The following MON2 variants were observed in gnomAD, a reference collection of about 807,000 sequenced individuals.
MON2 encodes protein MON2 homolog.
In MON2, 84 loss-of-function variants were observed where a neutral mutation model predicts 208.6. The ratio of observed to expected loss-of-function variants is 0.40; its 90% confidence interval spans 0.34 to 0.48. MON2 has a LOEUF of 0.48. MON2 is among the 20% of genes least tolerant of loss of function. The pLI, the probability that MON2 is intolerant of heterozygous loss-of-function variation, is 0.59. For missense variants in MON2, 1,611 were observed against 2,015.4 expected (o/e 0.80, Z 3.84); for synonymous variants, 660 against 694.0 (o/e 0.95, Z 0.77).
intron 11 of MON2, among the ~76,000 whole-genome samples, chr12:62,530,837 A>C (rs1424636276): frequency 6.6e-6 from 1 of 152,158 alleles, no homozygotes; most frequent in Non-Finnish European, 1.5e-5. Context: ...CAACTATATC[A>C]TTTTACATTC....
At position 62,585,355 on chromosome 12, in the gene MON2, C is replaced by T. The variant is rs753604339; in HGVS notation, c.4761C>T (p.Leu1587=). The T allele has an allele frequency of 2.8e-5, 45 of 1,613,630 alleles. No homozygotes were observed. The highest frequency in any genetic ancestry group is 1.6e-4 in the Middle Eastern group (1 of 6,076). The part of the protein sequence containing the change: ...EFSKMCFETL[L]QFSFSNKVTT... ...CTAAAATGTGTTTTGAAACATTACT[C>T]CAGTTTTCCTTCAGTAATAAAGTCA... The change falls in exon 33 of 35, where the codon CTC becomes CTT. Residue 1587 remains leucine, a synonymous_variant. Coordinates refer to ENST00000393630, the MANE Select transcript of MON2 (RefSeq NM_015026.3).
At chr12:62,503,810 T>G (rs2070961809) in intron 7 of MON2, among the ~76,000 whole-genome samples, 1 of 152,190 alleles carries the variant, frequency 6.6e-6, no homozygotes, top group Admixed American at 6.5e-5. Flanking sequence ...GCTTGCTGTC[T>G]TACTTTTTTG....
chr12:62,579,666 C>T (rs1198219421), intron 31 of MON2, among the ~76,000 whole-genome samples: 1 of 152,060 alleles, frequency 6.6e-6, no homozygotes, highest in Non-Finnish European at 1.5e-5. Context: ...GCGGAGCTTG[C>T]AGTGAGCCGA....
intron 1 of MON2, among the ~76,000 whole-genome samples, chr12:62,476,697 A>G (rs2069103352): frequency 6.6e-6 from 1 of 152,058 alleles, no homozygotes; most frequent in Non-Finnish European, 1.5e-5. Flanking sequence ...TCAGCCTCCC[A>G]AAGTAGTGGG....
Position 62,467,272 on chromosome 12 carries a change from G to T in MON2, c.65G>T (p.Arg22Leu). ...CTGGAGAATATGCAGAGCGACTTGCGCGCCTTGTCACTGGAGTGCAAGAAG... is the reference window on the plus strand; with the variant it reads ...CTGGAGAATATGCAGAGCGACTTGCTCGCCTTGTCACTGGAGTGCAAGAAG... ...KLLENMQSDL[R>L]ALSLECKKKF... Residue 22 changes from arginine (R) to leucine (L), a missense_variant, in exon 1 of 35, where the codon CGC becomes CTC. Transcript: ENST00000393630. 1 of 1,614,088 alleles carries T rather than the reference G, an allele frequency of 6.2e-7. No individual in the cohort carries two copies. The highest frequency in any genetic ancestry group is 8.5e-7 in the Non-Finnish European group (1 of 1,180,032).
At chr12:62,491,875 G>T (rs2070160727) in intron 2 of MON2, among the ~76,000 whole-genome samples, 2 of 152,184 alleles carry the variant, frequency 1.3e-5, no homozygotes, top group Non-Finnish European at 2.9e-5. Flanking sequence ...CACTTCAGTG[G>T]TTCTGGCAGG....
At chr12:62,557,962 A>ATTTTTTTTT (rs869193690) in intron 25 of MON2, among the ~76,000 whole-genome samples, 3 of 20,870 alleles carry the variant, frequency 1.4e-4, no homozygotes, top group African/African-American at 3.2e-4. Flanking sequence ...ATATATATAT[A>ATTTTTTTTT]TTTTTTTTTT....
intron 16 of MON2, 115 bp from the exon 17 acceptor site, chr12:62,537,981 C>A: frequency 1.1e-6 from 1 of 883,672 alleles, no homozygotes; most frequent in Non-Finnish European, 1.7e-6. Context: ...GTTTTAAAAA[C>A]CTACTACTGA....
rs759034877 is a variant in MON2 at position 62,592,596 on chromosome 12, T to C, written c.5001T>C (p.Asn1667=). The change falls in exon 35 of 35, where the codon AAT becomes AAC. Residue 1667 remains asparagine, a synonymous_variant. Coordinates refer to ENST00000393630, the MANE Select transcript of MON2 (RefSeq NM_015026.3). The stretch of plus-strand genomic sequence containing the variant: ...ACTTTTGCATTACAGTTGATGGAAA[T>C]ACCTGGGCACAAGTAATTGCCTTAT... ...KKTQPENVDG[N]TWAQVIALYP... The C allele has an allele frequency of 3.1e-6, 5 of 1,594,398 alleles. No individual in the cohort carries two copies.
Position 62,580,344 on chromosome 12 carries a change from T to G in MON2, c.4623T>G (p.Ile1541Met). ...SNEILPYANFIPKEFVGQIMT... is the reference protein window; with the variant it reads ...SNEILPYANFMPKEFVGQIMT... Reference sequence around the variant, plus strand: ...AGATACTACCTTATGCCAATTTTATTCCTAAGGAATTTGTTGGTCAAATAA... The same window carrying G: ...AGATACTACCTTATGCCAATTTTATGCCTAAGGAATTTGTTGGTCAAATAA... Residue 1541 changes from isoleucine to methionine, a missense_variant, in exon 32 of 35, where the codon ATT becomes ATG. Transcript: ENST00000393630. The G allele has an allele frequency of 6.2e-7, 1 of 1,609,028 alleles. No individual in the cohort carries two copies. Among genetic ancestry groups the G allele is most frequent in the Non-Finnish European group, 8.5e-7 (1 of 1,175,844 alleles).
intron 19 of MON2, among the ~76,000 whole-genome samples, chr12:62,542,357 A>T (rs1278216416): frequency 2.0e-5 from 3 of 152,198 alleles, no homozygotes; most frequent in African/African-American, 7.2e-5. Context: ...TGGCTTTTTT[A>T]TTCAGTTGTC....
At chr12:62,573,512 G>A (rs1427446104) in intron 30 of MON2, among the ~76,000 whole-genome samples, 2 of 150,798 alleles carry the variant, frequency 1.3e-5, no homozygotes, top group African/African-American at 4.9e-5. Context: ...GGATTGCCGA[G>A]GCCCAGGAGT....
intron 1 of MON2, among the ~76,000 whole-genome samples, chr12:62,472,704 C>T (rs2068854773): frequency 6.6e-6 from 1 of 152,284 alleles, no homozygotes; most frequent in South Asian, 2.1e-4. Context: ...CATTGGCTCT[C>T]CTGGTTGGGT....
intron 34 of MON2, among the ~76,000 whole-genome samples, chr12:62,591,071 C>A (rs1322348256): frequency 6.6e-6 from 1 of 152,182 alleles, no homozygotes; most frequent in Non-Finnish European, 1.5e-5. Context: ...AATTGACTCT[C>A]CATCTGGGAC....
At position 62,596,704 on chromosome 12, in the gene MON2, G is replaced by A. The variant is rs1252323268; in HGVS notation, c.*3955G>A. On this transcript the variant is annotated 3_prime_UTR_variant, in exon 35 of 35. Transcript: ENST00000393630. ...TACCAATTTATATAAAGTGGGAAAA[G>A]TCTTTAATACTTCATGATCACTTGA... 1 of 152,186 alleles carries A rather than the reference G, an allele frequency of 6.6e-6. No individual in the cohort carries two copies. Among genetic ancestry groups the A allele is most frequent in the Non-Finnish European group, 1.5e-5 (1 of 68,024 alleles). The allele number at this position is 152,186 out of a possible 1,614,324, so 9.4% of individuals were successfully genotyped here. A position where few individuals can be genotyped will look rare whatever the true frequency, so the allele number is the denominator to read the frequency against.
chr12:62,469,923 T>TTTATTTATTTA (rs766894539), intron 1 of MON2, among the ~76,000 whole-genome samples: 11,512 of 48,746 alleles, frequency 0.24, 655 homozygotes, highest in Middle Eastern at 0.29. Context: ...TATTTATTTA[T>TTTATTTATTTA]TTGAGACAGG....
At chr12:62,547,702 G>T (rs890685457) in intron 22 of MON2, among the ~76,000 whole-genome samples, 4 of 152,126 alleles carry the variant, frequency 2.6e-5, no homozygotes, top group African/African-American at 9.7e-5. Context: ...TATGATGGAG[G>T]TCCCATAAGA....
chr12:62,596,323 G>A lies in MON2; in HGVS notation c.*3574G>A, dbSNP rs1302150832. 2.6e-5 allele frequency: 4 copies of A among 152,216 alleles called. No individual in the cohort carries two copies. The highest frequency in any genetic ancestry group is 5.9e-5 in the Non-Finnish European group (4 of 68,044). 9.4% of individuals were successfully genotyped at this position (152,216 alleles called of 1,614,324 possible). A position where few individuals can be genotyped will look rare whatever the true frequency, so the allele number is the denominator to read the frequency against. On this transcript the variant is annotated 3_prime_UTR_variant, in exon 35 of 35. Transcript: ENST00000393630. Reference sequence around the variant, plus strand: ...TGGGCAACCAAGTTTTCAAGAGACTGCTGTAGGTGAAGTCTGTCTAGCCAA... The same window carrying A: ...TGGGCAACCAAGTTTTCAAGAGACTACTGTAGGTGAAGTCTGTCTAGCCAA...
chr12:62,542,316 AT>A (rs2136261471), intron 19 of MON2, among the ~76,000 whole-genome samples: 1 of 152,314 alleles, frequency 6.6e-6, no homozygotes, highest in South Asian at 2.1e-4. Flanking sequence ...CTCATAAAAA[AT>A]CTTTCTCTTT....
Sources: allele counts gnomAD v4.1 joint callset (sites outside exome capture counted in the v4.1 genomes callset), GRCh38; gene constraint gnomAD v4.1.1; transcripts MANE v1.5; gene names NCBI Gene and HGNC (gene_info 2026-07-23, HGNC 2026-07-21).